DACH1: variants seen among roughly 807,000 people sequenced by gnomAD.
DACH1 encodes the protein dachshund homolog 1.
A neutral mutation model predicts 54.2 loss-of-function variants in DACH1; 12 were observed. The ratio of observed to expected loss-of-function variants is 0.22; its 90% CI spans 0.14 to 0.36. The LOEUF (loss-of-function observed/expected upper bound fraction) is 0.36, where lower values mean the gene tolerates loss of function less well. DACH1 is among the 10% of genes least tolerant of loss of function. The probability of loss-of-function intolerance (pLI) is 1.00; values close to 1 mark genes in which losing one functional copy is unlikely to be tolerated. For missense variants in DACH1, 805 were observed against 929.8 expected (o/e 0.87, Z 1.75); for synonymous variants, 386 against 366.2 (o/e 1.05, Z -0.62).
chr13:71,771,137 TA>T (rs972175737), intron 1 of DACH1, among the ~76,000 whole-genome samples: 2 of 151,286 alleles, frequency 1.3e-5, no homozygotes, highest in Non-Finnish European at 3.0e-5. Flanking sequence ...CTCCCTAGCC[TA>T]AAAAGTTACA....
At chr13:71,460,644 C>T (rs1875989811) in intron 10 of DACH1, among the ~76,000 whole-genome samples, 1 of 151,950 alleles carries the variant, frequency 6.6e-6, no homozygotes, top group Non-Finnish European at 1.5e-5. Flanking sequence ...AGCATTAGGG[C>T]TACTTGCCTT....
chr13:71,861,998 CAT>C (rs1208194140), intron 1 of DACH1, among the ~76,000 whole-genome samples: 2 of 148,710 alleles, frequency 1.3e-5, no homozygotes, highest in East Asian at 4.0e-4. Context: ...ACTACTGAAA[CAT>C]AAAACACTTT....
chr13:71,489,929 G>GT (rs1344238026), intron 6 of DACH1, among the ~76,000 whole-genome samples: 1 of 152,060 alleles, frequency 6.6e-6, no homozygotes, highest in Non-Finnish European at 1.5e-5. Flanking sequence ...GCAATTTAGA[G>GT]TAACTCATGA....
intron 1 of DACH1, among the ~76,000 whole-genome samples, chr13:71,797,293 C>T (rs753256158): frequency 5.3e-5 from 8 of 151,942 alleles, no homozygotes; most frequent in South Asian, 2.1e-4. Context: ...GAAAAGAAAA[C>T]GTGGTACTTG....
chr13:71,497,897 C>T (rs571487930), intron 6 of DACH1, among the ~76,000 whole-genome samples: 5 of 117,824 alleles, frequency 4.2e-5, no homozygotes, highest in South Asian at 5.7e-4. Context: ...CACACACACA[C>T]ACACAGATAC....
At chr13:71,447,617 A>G (rs746810841) in intron 10 of DACH1, among the ~76,000 whole-genome samples, 8 of 152,018 alleles carry the variant, frequency 5.3e-5, no homozygotes, top group South Asian at 4.1e-4. Context: ...GTGGATCACG[A>G]GGTCAGGAAA....
chr13:71,826,433 A>T (rs1408890), intron 1 of DACH1, among the ~76,000 whole-genome samples: 1 of 151,704 alleles, frequency 6.6e-6, no homozygotes, highest in Admixed American at 6.6e-5. Flanking sequence ...CAAGGCTGTG[A>T]TCATGATTTC....
chr13:71,599,242 C>T (rs1874323987), intron 3 of DACH1, among the ~76,000 whole-genome samples: 1 of 152,206 alleles, frequency 6.6e-6, no homozygotes, highest in East Asian at 1.9e-4. Context: ...TTTAATACTA[C>T]TTCAGAAAAA....
At position 71,621,803 on chromosome 13, in the gene DACH1, C is replaced by T. The variant is rs149808139; in HGVS notation, c.1126+8753G>A. Among the ~76,000 whole-genome samples the T allele has an allele frequency of 1.7e-4, 26 of 152,076 alleles. No individual in the cohort carries two copies. In the East Asian group the frequency reaches 4.6e-3, roughly 27 times the overall value. On this transcript the variant is annotated intron_variant, in intron 3 of 10. Transcript: ENST00000613252. The stretch of plus-strand genomic sequence containing the variant: ...CAGATCTGCCCTTTGTGAAGGAAAC[C>T]GTATCCGTTTCATTAGTGCAGACTC...
intron 2 of DACH1, chr13:71,675,125 T>A: frequency 6.3e-7 from 1 of 1,583,640 alleles, no homozygotes; most frequent in Non-Finnish European, 8.7e-7. Context: ...AGGAAGTAAC[T>A]GGCTACAAAA....
At chr13:71,521,807 G>A (rs17088316) in intron 6 of DACH1, among the ~76,000 whole-genome samples, 2,171 of 151,788 alleles carry the variant, frequency 0.014, 28 homozygotes, top group African/African-American at 0.036. Flanking sequence ...TAAAGACGAA[G>A]AGCCTCACCT....
intron 2 of DACH1, among the ~76,000 whole-genome samples, chr13:71,648,726 AT>A (rs1878472132): frequency 6.6e-6 from 1 of 152,120 alleles, no homozygotes; most frequent in East Asian, 1.9e-4. Context: ...TCAGGATCAC[AT>A]TGCTTAGGTC....
intron 1 of DACH1, among the ~76,000 whole-genome samples, chr13:71,845,027 G>T (rs1873129018): frequency 6.6e-6 from 1 of 152,000 alleles, no homozygotes; most frequent in African/African-American, 2.4e-5. Flanking sequence ...AATAAGAGGA[G>T]TCAATTCTAG....
intron 1 of DACH1, among the ~76,000 whole-genome samples, chr13:71,709,623 T>C (rs1882616708): frequency 6.6e-6 from 1 of 152,206 alleles, no homozygotes; most frequent in African/African-American, 2.4e-5. Context: ...GTAGTGATGC[T>C]GGCATATTGG....
At chr13:71,532,835 TGTTA>T (rs541336405) in intron 6 of DACH1, among the ~76,000 whole-genome samples, 7 of 152,006 alleles carry the variant, frequency 4.6e-5, no homozygotes, top group Non-Finnish European at 1.0e-4. Flanking sequence ...TATATTTCAC[TGTTA>T]GTTTTATTTT....
intron 1 of DACH1, among the ~76,000 whole-genome samples, chr13:71,711,636 GA>G (rs1413486969): frequency 6.6e-6 from 1 of 152,032 alleles, no homozygotes; most frequent in Non-Finnish European, 1.5e-5. Context: ...AATCAAACCA[GA>G]ATTAATTTTT....
intron 1 of DACH1, among the ~76,000 whole-genome samples, chr13:71,719,848 G>C (rs1883147602): frequency 6.6e-6 from 1 of 152,104 alleles, no homozygotes; most frequent in Non-Finnish European, 1.5e-5. Context: ...CTGGGCCACA[G>C]AGTGACACTC....
intron 1 of DACH1, among the ~76,000 whole-genome samples, chr13:71,792,013 C>G (rs1334196109): frequency 6.6e-6 from 1 of 152,144 alleles, no homozygotes; most frequent in Non-Finnish European, 1.5e-5. Flanking sequence ...TCATTTGGTA[C>G]ATGATGATGT....
At chr13:71,755,414 C>T (rs186039050) in intron 1 of DACH1, among the ~76,000 whole-genome samples, 7 of 152,190 alleles carry the variant, frequency 4.6e-5, no homozygotes, top group East Asian at 3.9e-4. Context: ...GTGGGCCAGA[C>T]GAAACTGGTG....
Sources: gnomAD v4.1 joint callset for allele counts (sites outside exome capture counted in the v4.1 genomes callset) on GRCh38, gnomAD v4.1.1 for gene constraint, MANE v1.5 for transcripts, NCBI Gene and HGNC (gene_info 2026-07-23, HGNC 2026-07-21) for gene names.